Variants in RERE observed in about 807,000 individuals in gnomAD.
RERE encodes the protein arginine-glutamic acid dipeptide repeats.
Under a neutral mutation model 146.1 loss-of-function variants are expected in RERE, and 40 were observed. The observed-to-expected ratio is 0.27, with a 90% CI of 0.21 to 0.36. The LOEUF (loss-of-function observed/expected upper bound fraction) is 0.36. RERE is among the 10% of genes least tolerant of loss of function. The pLI is 1.00. For missense variants in RERE, 1,933 were observed against 2,138.7 expected (o/e 0.90, Z 1.90); for synonymous variants, 1,003 against 866.0 (o/e 1.16, Z -2.78).
intron 1 of RERE, among the ~76,000 whole-genome samples, chr1:8,794,984 T>C (rs759556019): frequency 2.6e-5 from 4 of 151,946 alleles, no homozygotes; most frequent in African/African-American, 4.8e-5. Flanking sequence ...AGCTAATATT[T>C]TTTATTATTT....
chr1:8,495,255 A>G, intron 9 of RERE, 93 bp from the exon 10 acceptor site: 1 of 895,534 alleles, frequency 1.1e-6, no homozygotes, highest in Admixed American at 1.8e-5. Flanking sequence ...TCCAGCCCAG[A>G]ACAAATTCCA....
At chr1:8,388,383 A>T (rs554351546) in intron 12 of RERE, among the ~76,000 whole-genome samples, 1 of 151,094 alleles carries the variant, frequency 6.6e-6, no homozygotes, top group Admixed American at 6.6e-5. Context: ...GCAGTGGCGC[A>T]ATCTCGGCTC....
At chr1:8,526,469 G>A (rs1645572649) in intron 7 of RERE, among the ~76,000 whole-genome samples, 1 of 152,002 alleles carries the variant, frequency 6.6e-6, no homozygotes, top group South Asian at 2.1e-4. Flanking sequence ...ATTTCTTTTT[G>A]AAACTCTAAA....
intron 2 of RERE, among the ~76,000 whole-genome samples, chr1:8,629,851 GGC>G (rs1307549588): frequency 1.3e-5 from 2 of 152,142 alleles, no homozygotes; most frequent in Non-Finnish European, 2.9e-5. Flanking sequence ...TGCAAAGCAT[GGC>G]AGTGCCACTC....
chr1:8,739,852 AATT>A (rs1432674823), intron 1 of RERE, among the ~76,000 whole-genome samples: 2 of 149,366 alleles, frequency 1.3e-5, no homozygotes, highest in Admixed American at 6.7e-5. Flanking sequence ...TATATTAATT[AATT>A]ATATTATATA....
Position 8,599,375 on chromosome 1 carries a change from G to A in RERE, c.522+15186C>T, listed in dbSNP as rs138440462. On this transcript the variant is annotated intron_variant, in intron 4 of 22. Coordinates refer to ENST00000400908, the MANE Select transcript of RERE (RefSeq NM_001042681.2). ...ATCAAGTTCAACGTGTGTTAATCAA[G>A]TGTCAGGTCAATGTACCACGCAAAT... 6.9e-4 allele frequency among the ~76,000 whole-genome samples: 105 copies of A among 152,276 alleles called. 1 individual carries two copies. Among genetic ancestry groups the A allele is most frequent in the South Asian group, 1.4e-3 (7 of 4,828 alleles).
chr1:8,553,293 T>C (rs933248613), intron 6 of RERE, among the ~76,000 whole-genome samples: 66 of 143,490 alleles, frequency 4.6e-4, no homozygotes, highest in Admixed American at 4.5e-3. Context: ...CACGTGACAC[T>C]ACACTACTAG....
rs572216491 is a variant in RERE, at chr1:8,355,605, G to A, written c.4487-6C>T. The A allele has an allele frequency of 7.0e-6, 11 of 1,565,118 alleles. No homozygotes were observed. Among genetic ancestry groups the A allele is most frequent in the African/African-American group, 2.7e-5 (2 of 73,984 alleles). On this transcript the variant is annotated splice_region_variant and splice_polypyrimidine_tract_variant and intron_variant, in intron 21 of 22. Transcript: ENST00000400908. Reference sequence around the variant, plus strand: ...GTCACGGGGGTAGGGGGTGCCTGCCGAACACAAAACAACCTGCGCTACAGA... The same window carrying A: ...GTCACGGGGGTAGGGGGTGCCTGCCAAACACAAAACAACCTGCGCTACAGA...
At chr1:8,362,526 G>A (rs1382747778) in intron 16 of RERE, among the ~76,000 whole-genome samples, 157 bp downstream of exon 16, 1 of 152,170 alleles carries the variant, frequency 6.6e-6, no homozygotes, top group Non-Finnish European at 1.5e-5. Flanking sequence ...CCAGCCTTCG[G>A]TCTGCAGCCC....
intron 1 of RERE, among the ~76,000 whole-genome samples, chr1:8,806,324 G>C (rs1228525520): frequency 2.0e-5 from 3 of 152,034 alleles, no homozygotes; most frequent in African/African-American, 7.2e-5. Context: ...CGGAGGTCAG[G>C]AGTTCAAGAC....
At position 8,700,304 on chromosome 1, in the gene RERE, C is replaced by CA. The variant is rs201895468; in HGVS notation, c.-144-43864dup. ...TGGGTGACAGAGTGAGACTCCAACT[C>CA]AAAAAAAATAAAAATAAAAATAAAT... is the stretch of plus-strand genomic sequence containing the variant. On this transcript the variant is annotated intron_variant, in intron 1 of 22. Transcript: ENST00000400908. 8.6e-4 allele frequency among the ~76,000 whole-genome samples: 130 copies of CA among 150,494 alleles called. 5 individuals carry two copies. The East Asian group carries it at 0.023, about 26-fold the overall frequency.
At chr1:8,809,392 A>T (rs1641751083) in intron 1 of RERE, among the ~76,000 whole-genome samples, 1 of 152,194 alleles carries the variant, frequency 6.6e-6, no homozygotes, top group Non-Finnish European at 1.5e-5. Flanking sequence ...TGTTGGCTGT[A>T]GCTAAGATTT....
intron 11 of RERE, among the ~76,000 whole-genome samples, chr1:8,442,244 GCATAGTGGCGCACGCCTGTAAT>G (rs1644259077): frequency 6.6e-6 from 1 of 152,042 alleles, no homozygotes; most frequent in South Asian, 2.1e-4. Flanking sequence ...AATTAGCCAG[GCATAGTGGCGCACGCCTGTAAT>G]CCCAGCTACT....
chr1:8,464,486 C>T (rs918213433), intron 11 of RERE, among the ~76,000 whole-genome samples: 2 of 152,194 alleles, frequency 1.3e-5, no homozygotes, highest in Non-Finnish European at 2.9e-5. Flanking sequence ...GCCCCACTGT[C>T]GGAGCAAGTC....
intron 1 of RERE, among the ~76,000 whole-genome samples, chr1:8,803,177 G>A (rs1292616014): frequency 6.6e-6 from 1 of 152,166 alleles, no homozygotes; most frequent in Non-Finnish European, 1.5e-5. Flanking sequence ...TCTGAGCTGT[G>A]AAAAGAAGTC....
chr1:8,364,679 G>A lies in RERE; in HGVS notation c.1540+67C>T. The A allele has an allele frequency of 8.6e-7, 1 of 1,165,342 alleles. No individual in the cohort carries two copies. Among genetic ancestry groups the A allele is most frequent in the Non-Finnish European group, 1.3e-6 (1 of 774,594 alleles). The allele number at this position is 1,165,342 out of a possible 1,614,324, so 72.2% of individuals were successfully genotyped here. A position where few individuals can be genotyped will look rare whatever the true frequency, so the allele number is the denominator to read the frequency against. On this transcript the variant is annotated intron_variant, in intron 14 of 22. Transcript: ENST00000400908. The surrounding 1 kb of genome is among the most constrained non-coding windows in gnomAD (Gnocchi z 5.1). ...CTGGCAGGTTTCCAGCTGGATGCATGAAATGTTCAGAACATGGAAGTGCTT... is the reference window on the plus strand; with the variant it reads ...CTGGCAGGTTTCCAGCTGGATGCATAAAATGTTCAGAACATGGAAGTGCTT...
At chr1:8,707,237 T>C (rs1430406140) in intron 1 of RERE, among the ~76,000 whole-genome samples, 1 of 152,248 alleles carries the variant, frequency 6.6e-6, no homozygotes, top group African/African-American at 2.4e-5. Context: ...GGCCTCAGCA[T>C]GCAGCCAAGT....
chr1:8,679,258 ACAAAGG>A (rs1638911819), intron 1 of RERE, among the ~76,000 whole-genome samples: 1 of 152,218 alleles, frequency 6.6e-6, no homozygotes, highest in Non-Finnish European at 1.5e-5. Flanking sequence ...TTTGACTCTC[ACAAAGG>A]CAACAGATTA....
chr1:8,744,744 A>G (rs1399237330), intron 1 of RERE, among the ~76,000 whole-genome samples: 1 of 152,244 alleles, frequency 6.6e-6, no homozygotes, highest in Non-Finnish European at 1.5e-5. Flanking sequence ...TCTACACTGC[A>G]TTTTGTGGTA....
Sources: gnomAD v4.1 joint callset for allele counts (sites outside exome capture counted in the v4.1 genomes callset) on GRCh38, gnomAD v4.1.1 for gene constraint, Gnocchi (gnomAD v3.1) non-coding constraint, MANE v1.5 for transcripts, NCBI Gene and HGNC (gene_info 2026-07-23, HGNC 2026-07-21) for gene names.